The following MAP2K6 variants were observed in gnomAD, a reference collection of about 807,000 sequenced individuals.
MAP2K6 encodes mitogen-activated protein kinase kinase 6.
A neutral mutation model predicts 53.7 loss-of-function variants in MAP2K6; 16 were observed. The observed-to-expected ratio is 0.30, with a 90% confidence interval of 0.20 to 0.45. The LOEUF (loss-of-function observed/expected upper bound fraction) is 0.45. MAP2K6 is among the 20% of genes least tolerant of loss of function. The pLI is 1.00. For missense variants in MAP2K6, 204 were observed against 411.9 expected, an observed-to-expected ratio of 0.50 and a Z score of 4.37; for synonymous variants, 132 against 143.1, an observed-to-expected ratio of 0.92 and a Z score of 0.55.
chr17:69,525,654 T>A (rs1910732005), intron 9 of MAP2K6, among the ~76,000 whole-genome samples: 1 of 152,182 alleles, frequency 6.6e-6, no homozygotes, highest in African/African-American at 2.4e-5. Context: ...AGATGCTTCA[T>A]AAAACCATCA....
In MAP2K6 at chr17:69,526,700, C is replaced by T. The variant is rs756162581; in HGVS notation, c.872C>T (p.Thr291Ile). The T allele has an allele frequency of 6.2e-7, 1 of 1,613,196 alleles. No individual in the cohort carries two copies. The highest frequency in any genetic ancestry group is 1.7e-5 in the Admixed American group (1 of 59,984). The change falls in exon 10 of 12, where the codon ACC (threonine) becomes ATC (isoleucine). Residue 291 changes from threonine to isoleucine, a missense_variant. By Grantham distance (89) the Thr-to-Ile change is moderately conservative. Transcript: ENST00000590474. The part of the protein sequence containing the change: ...DKFSAEFVDF[T>I]SQCLKKNSKE... ...TTCTCTGCAGAGTTTGTTGACTTTA[C>T]CTCACAGTGGTAAGACAGCCTCACC...
intron 1 of MAP2K6, among the ~76,000 whole-genome samples, chr17:69,429,090 A>G (rs1906369141): frequency 6.6e-6 from 1 of 151,918 alleles, no homozygotes; most frequent in African/African-American, 2.4e-5. Flanking sequence ...GGGAGAAAGG[A>G]TCATCCTTCC....
chr17:69,423,040 C>T (rs929690482), intron 1 of MAP2K6, among the ~76,000 whole-genome samples: 4 of 152,066 alleles, frequency 2.6e-5, no homozygotes, highest in Admixed American at 2.0e-4. Flanking sequence ...TGCACCACCA[C>T]GCCCAGCTAA....
intron 1 of MAP2K6, among the ~76,000 whole-genome samples, chr17:69,436,886 A>G (rs1400641435): frequency 1.3e-5 from 2 of 151,438 alleles, no homozygotes; most frequent in East Asian, 1.9e-4. Context: ...GTACAATGGT[A>G]TGATCTCGGT....
chr17:69,511,421 A>G (rs1437937405), intron 2 of MAP2K6, among the ~76,000 whole-genome samples: 1 of 152,176 alleles, frequency 6.6e-6, no homozygotes, highest in Non-Finnish European at 1.5e-5. Flanking sequence ...GCTTCACAAA[A>G]ATAAATAGGC....
intron 1 of MAP2K6, among the ~76,000 whole-genome samples, chr17:69,493,628 G>T (rs1279345064): frequency 6.6e-6 from 1 of 152,128 alleles, no homozygotes; most frequent in Admixed American, 6.5e-5. Flanking sequence ...GGGCATGGTG[G>T]TGTACGTCTA....
At chr17:69,535,044 T>C (rs1170140045) in intron 10 of MAP2K6, among the ~76,000 whole-genome samples, 3 of 151,708 alleles carry the variant, frequency 2.0e-5, no homozygotes, top group Non-Finnish European at 2.9e-5. Context: ...AATGGGGTGA[T>C]GGGTTGGTCT....
At chr17:69,468,612 T>C (rs1907887543) in intron 1 of MAP2K6, among the ~76,000 whole-genome samples, 1 of 152,148 alleles carries the variant, frequency 6.6e-6, no homozygotes, top group South Asian at 2.1e-4. Context: ...TCCTTGATGA[T>C]GACATCGAAG....
intron 1 of MAP2K6, among the ~76,000 whole-genome samples, chr17:69,501,313 C>G (rs993445710): frequency 1.3e-5 from 2 of 152,164 alleles, no homozygotes; most frequent in African/African-American, 4.8e-5. Context: ...GTGGGCTTCT[C>G]ATGCTGTTTG....
At chr17:69,518,854 C>G (rs1325630944) in intron 4 of MAP2K6, among the ~76,000 whole-genome samples, 3 of 152,332 alleles carry the variant, frequency 2.0e-5, no homozygotes, top group African/African-American at 7.2e-5. Context: ...CTCTATTTCT[C>G]TAATTGCTTC....
At chr17:69,480,258 A>G (rs1598282214) in intron 1 of MAP2K6, among the ~76,000 whole-genome samples, 1 of 152,196 alleles carries the variant, frequency 6.6e-6, no homozygotes, top group South Asian at 2.1e-4. Context: ...CCAGCACATG[A>G]AACACCATGG....
At position 69,543,248 on chromosome 17, in the gene MAP2K6, A is replaced by T. The variant is rs1477485957; in HGVS notation, c.*1495A>T. Reference sequence around the variant, plus strand: ...GTTTTGATTTTAAAAAGAAGAAAAAAAAACCTTATTTTTTCTTTCTTGGCC... The same window carrying T: ...GTTTTGATTTTAAAAAGAAGAAAAATAAACCTTATTTTTTCTTTCTTGGCC... On this transcript the variant is annotated 3_prime_UTR_variant, in exon 12 of 12. Coordinates refer to ENST00000590474, the MANE Select transcript of MAP2K6 (RefSeq NM_002758.4). 9 of 152,158 alleles carry T rather than the reference A, an allele frequency of 5.9e-5. No homozygotes were observed. The highest frequency in any genetic ancestry group is 2.4e-5 in the African/African-American group (1 of 41,444). The allele number at this position is 152,158 out of a possible 1,614,324, so 9.4% of individuals were successfully genotyped here. A position where few individuals can be genotyped will look rare whatever the true frequency, so the allele number is the denominator to read the frequency against.
intron 1 of MAP2K6, among the ~76,000 whole-genome samples, chr17:69,485,928 T>C (rs1908517217): frequency 6.6e-6 from 1 of 152,210 alleles, no homozygotes; most frequent in Admixed American, 6.5e-5. Flanking sequence ...TTTCCTTAGA[T>C]GTTTATGTCT....
rs1458773944 is a variant in MAP2K6 at position 69,414,933 on chromosome 17, A to C, written c.-52A>C. ...TGTTGCAAAACTAGCTACAGAAGAG[A>C]AGCAAGGCAAAGTCTTTTGTGCTCC... On this transcript the variant is annotated 5_prime_UTR_variant, in exon 1 of 12. Coordinates refer to ENST00000590474, the MANE Select transcript of MAP2K6 (RefSeq NM_002758.4). The C allele has an allele frequency of 6.6e-7, 1 of 1,513,394 alleles. No individual in the cohort carries two copies. The highest frequency in any genetic ancestry group is 9.2e-7 in the Non-Finnish European group (1 of 1,091,008). 93.7% of individuals were successfully genotyped at this position (1,513,394 alleles called of 1,614,324 possible).
At chr17:69,508,540 C>T (rs1909644582) in intron 2 of MAP2K6, among the ~76,000 whole-genome samples, 1 of 152,134 alleles carries the variant, frequency 6.6e-6, no homozygotes, top group Non-Finnish European at 1.5e-5. Flanking sequence ...ATATTCTGGA[C>T]ACGAGGACTT....
At chr17:69,522,717 A>C (rs930650197) in intron 7 of MAP2K6, among the ~76,000 whole-genome samples, 4 of 152,058 alleles carry the variant, frequency 2.6e-5, no homozygotes, top group Admixed American at 6.6e-5. Flanking sequence ...GATCCTTTAC[A>C]CTATGTGACC....
chr17:69,457,815 C>T (rs1368666732), intron 1 of MAP2K6, among the ~76,000 whole-genome samples: 5 of 151,996 alleles, frequency 3.3e-5, no homozygotes, highest in African/African-American at 1.2e-4. Context: ...AAAACCAAAA[C>T]CAAAACAAAA....
At chr17:69,420,837 A>C (rs1906055781) in intron 1 of MAP2K6, among the ~76,000 whole-genome samples, 1 of 152,152 alleles carries the variant, frequency 6.6e-6, no homozygotes, top group African/African-American at 2.4e-5. Context: ...TATAATGAGC[A>C]GGGGTTATTT....
chr17:69,431,053 T>C (rs1305624487), intron 1 of MAP2K6, among the ~76,000 whole-genome samples: 2 of 152,234 alleles, frequency 1.3e-5, no homozygotes, highest in Non-Finnish European at 2.9e-5. Flanking sequence ...ATTGAGTGCT[T>C]ACTGTGTGCG....
Sources: gnomAD v4.1 joint callset for allele counts (sites outside exome capture counted in the v4.1 genomes callset) on GRCh38, gnomAD v4.1.1 for gene constraint, MANE v1.5 for transcripts, NCBI Gene and HGNC (gene_info 2026-07-23, HGNC 2026-07-21) for gene names.